ENTREP2: variants seen among roughly 807,000 people sequenced by gnomAD.
ENTREP2 encodes the protein endosomal transmembrane epsin interactor 2, also known as protein ENTREP2.
chr15:29,185,997 C>A, the ENTREP2 span, among the ~76,000 whole-genome samples: 1 of 152,172 alleles, frequency 6.6e-6, no homozygotes, highest in Non-Finnish European at 1.5e-5. Flanking sequence ...TGTCCTCTCC[C>A]GTTTGTTTAC....
At chr15:29,470,662 C>A in the ENTREP2 span, among the ~76,000 whole-genome samples, 1 of 152,308 alleles carries the variant, frequency 6.6e-6, no homozygotes, top group Non-Finnish European at 1.5e-5. Context: ...CAAGGTGATG[C>A]GTGTGACTCT....
chr15:29,215,577 A>AATATAT, the ENTREP2 span, among the ~76,000 whole-genome samples: 674 of 144,708 alleles, frequency 4.7e-3, 1 homozygote, highest in African/African-American at 0.014. Context: ...AAATATATAT[A>AATATAT]ATATATATAT....
chr15:29,650,468 C>T, the ENTREP2 span, among the ~76,000 whole-genome samples: 1 of 152,098 alleles, frequency 6.6e-6, no homozygotes, highest in African/African-American at 2.4e-5. Flanking sequence ...TGGTACACAC[C>T]TATAGTCCCA....
At chr15:29,652,406 G>T in the ENTREP2 span, among the ~76,000 whole-genome samples, 12,867 of 152,292 alleles carry the variant, frequency 0.084, 769 homozygotes, top group African/African-American at 0.17. Context: ...GCATGCCTCA[G>T]TCTTCCTGGT....
the ENTREP2 span, among the ~76,000 whole-genome samples, chr15:29,341,905 T>A: frequency 6.6e-6 from 1 of 152,094 alleles, no homozygotes; most frequent in African/African-American, 2.4e-5. Context: ...GGAGGAAAAT[T>A]TTTTTAATTT....
the ENTREP2 span, among the ~76,000 whole-genome samples, chr15:29,642,681 C>T: frequency 1.3e-5 from 2 of 151,696 alleles, no homozygotes; most frequent in East Asian, 1.9e-4. Context: ...GGCACGATCT[C>T]GGCTCACTGC....
chr15:29,642,554 CA>C, the ENTREP2 span, among the ~76,000 whole-genome samples: 1 of 147,444 alleles, frequency 6.8e-6, no homozygotes, highest in African/African-American at 2.5e-5. Context: ...CATATATACA[CA>C]TATATATACT....
chr15:29,577,353 A>T, the ENTREP2 span, among the ~76,000 whole-genome samples: 139 of 52,886 alleles, frequency 2.6e-3, no homozygotes, highest in African/African-American at 5.1e-3. Context: ...TGTGTGTGAG[A>T]GAGAGAAAGG....
chr15:29,289,860 T>TAA, the ENTREP2 span, among the ~76,000 whole-genome samples: 3 of 152,082 alleles, frequency 2.0e-5, no homozygotes, highest in East Asian at 5.8e-4. Context: ...AATATATATA[T>TAA]ACATATATAA....
the ENTREP2 span, among the ~76,000 whole-genome samples, chr15:29,631,719 TG>T: frequency 1.3e-5 from 2 of 152,202 alleles, no homozygotes; most frequent in African/African-American, 4.8e-5. Context: ...CATGTCTAGC[TG>T]GGGGTGGGGA....
chr15:29,290,917 C>A, the ENTREP2 span, among the ~76,000 whole-genome samples: 214 of 152,326 alleles, frequency 1.4e-3, 1 homozygote, highest in African/African-American at 5.0e-3. Context: ...CTCACTTAAT[C>A]CCAAGTGACT....
chr15:29,482,497 T>C, the ENTREP2 span, among the ~76,000 whole-genome samples: 1 of 152,130 alleles, frequency 6.6e-6, no homozygotes, highest in Admixed American at 6.6e-5. Context: ...CACCTATTCA[T>C]CTCTCCCTCC....
the ENTREP2 span, chr15:29,374,765 A>G: frequency 1.3e-5 from 2 of 152,150 alleles, no homozygotes. Context: ...TTTTGTTGAA[A>G]AAATGTTTTT....
the ENTREP2 span, among the ~76,000 whole-genome samples, chr15:29,640,649 C>CAAACAAAACAAAACAAAACAAAACA: frequency 0.034 from 5,044 of 149,712 alleles, 299 homozygotes; most frequent in African/African-American, 0.11. Context: ...GGGCCTGTCT[C>CAAACAAAACAAAACAAAACAAAACA]AAACAAAACA....
chr15:29,594,405 G>A, the ENTREP2 span, among the ~76,000 whole-genome samples: 1 of 152,108 alleles, frequency 6.6e-6, no homozygotes, highest in Non-Finnish European at 1.5e-5. Flanking sequence ...TCTCACCTGG[G>A]AGCAGCCTCC....
At chr15:29,388,816 G>T in the ENTREP2 span, among the ~76,000 whole-genome samples, 1 of 152,056 alleles carries the variant, frequency 6.6e-6, no homozygotes, top group East Asian at 1.9e-4. Context: ...CCTTTGTAGA[G>T]ACATGGATGA....
At chr15:29,153,884 G>A in the ENTREP2 span, among the ~76,000 whole-genome samples, 1 of 152,204 alleles carries the variant, frequency 6.6e-6, no homozygotes, top group African/African-American at 2.4e-5. Context: ...ATGGCTCACT[G>A]CAGCCTCGAC....
At chr15:29,186,970 G>A in the ENTREP2 span, among the ~76,000 whole-genome samples, 1 of 152,120 alleles carries the variant, frequency 6.6e-6, no homozygotes, top group Non-Finnish European at 1.5e-5. Context: ...AACCATCTGT[G>A]TTCCCATTAC....
chr15:29,253,737 G>A, the ENTREP2 span, among the ~76,000 whole-genome samples: 9 of 151,888 alleles, frequency 5.9e-5, no homozygotes, highest in East Asian at 3.9e-4. Flanking sequence ...CACCACGCCC[G>A]GCCAATATTG....
Sources: allele counts gnomAD v4.1 joint callset (sites outside exome capture counted in the v4.1 genomes callset), GRCh38; gene constraint gnomAD v4.1.1; transcripts MANE v1.5; gene names NCBI Gene and HGNC (gene_info 2026-07-23, HGNC 2026-07-21).